The following NCK2 variants were observed in gnomAD, a reference collection of about 807,000 sequenced individuals.
NCK2 encodes cytoplasmic protein NCK2.
NCK2 carries 16 observed loss-of-function variants against 33.9 expected under a neutral mutation model. That is an observed-to-expected ratio of 0.47 (90% CI 0.32 to 0.72). NCK2 has a LOEUF of 0.72. Ranked by LOEUF, NCK2 falls within the 30% of genes least tolerant of loss-of-function variation. The probability of loss-of-function intolerance (pLI) is 0.03; values close to 1 mark genes in which losing one functional copy is unlikely to be tolerated. For missense variants in NCK2, 418 were observed against 537.3 expected, an observed-to-expected ratio of 0.78 and a Z score of 2.19; for synonymous variants, 273 against 239.9, an observed-to-expected ratio of 1.14 and a Z score of -1.27.
intron 1 of NCK2, among the ~76,000 whole-genome samples, chr2:105,797,092 C>G (rs962874837): frequency 5.9e-5 from 9 of 152,014 alleles, no homozygotes; most frequent in Non-Finnish European, 1.3e-4. Context: ...ATTTATTATC[C>G]TTTTTAGGCC....
At chr2:105,807,693 T>C (rs1430755276) in intron 1 of NCK2, among the ~76,000 whole-genome samples, 11 of 151,046 alleles carry the variant, frequency 7.3e-5, no homozygotes, top group African/African-American at 1.7e-4. Context: ...CCTTTTTTTT[T>C]TCTCTTTTCT....
At chr2:105,885,183 C>T (rs1332318476) in intron 4 of NCK2, among the ~76,000 whole-genome samples, 1 of 152,158 alleles carries the variant, frequency 6.6e-6, no homozygotes, top group East Asian at 1.9e-4. Context: ...GGAAAAGGTG[C>T]AGAGCTGGCC....
rs896208731 is a variant in NCK2 at position 105,893,327 on chromosome 2, T to A, written c.*151T>A. On this transcript the variant is annotated 3_prime_UTR_variant, in exon 5 of 5. Transcript: ENST00000233154. ...GGTCGCTTGGTCGGTTCGTCTCCCA[T>A]TTGCCATCCAGGCCTCACACCCACA... 4 of 787,300 alleles carry A rather than the reference T, an allele frequency of 5.1e-6. No individual in the cohort carries two copies. In the African/African-American group the frequency reaches 7.0e-5, roughly 14 times the overall value. 48.8% of individuals were successfully genotyped at this position (787,300 alleles called of 1,614,324 possible).
At chr2:105,864,713 A>T (rs529222447) in intron 3 of NCK2, among the ~76,000 whole-genome samples, 4 of 151,810 alleles carry the variant, frequency 2.6e-5, no homozygotes, top group African/African-American at 9.7e-5. Flanking sequence ...CAGGCATTCA[A>T]TTTCTCTCAT....
intron 2 of NCK2, among the ~76,000 whole-genome samples, chr2:105,825,435 T>C (rs182064166): frequency 3.3e-5 from 5 of 152,320 alleles, no homozygotes; most frequent in Admixed American, 6.5e-5. Flanking sequence ...TGTCTTATGC[T>C]CAGAAATTTA....
At chr2:105,786,154 CATG>C (rs1190661087) in intron 1 of NCK2, among the ~76,000 whole-genome samples, 2 of 152,232 alleles carry the variant, frequency 1.3e-5, no homozygotes, top group Non-Finnish European at 1.5e-5. Context: ...TCTAGGGCAG[CATG>C]ATTAGCGTTG....
At chr2:105,831,945 G>C (rs888850119) in intron 2 of NCK2, among the ~76,000 whole-genome samples, 1 of 152,154 alleles carries the variant, frequency 6.6e-6, no homozygotes, top group Admixed American at 6.5e-5. Flanking sequence ...CTGATATATT[G>C]ATAGGGATCA....
At chr2:105,818,296 G>A (rs1179911593) in intron 2 of NCK2, among the ~76,000 whole-genome samples, 14 of 103,114 alleles carry the variant, frequency 1.4e-4, no homozygotes, top group Admixed American at 9.4e-4. Context: ...GGGGAGGGGG[G>A]AGGGATAGCA....
chr2:105,767,292 G>A (rs1042206114), intron 1 of NCK2, among the ~76,000 whole-genome samples: 5 of 152,212 alleles, frequency 3.3e-5, no homozygotes, highest in Admixed American at 6.5e-5. Context: ...TGGCCTACTT[G>A]GATGTCTGAT....
At chr2:105,872,387 A>G (rs1321193417) in intron 3 of NCK2, among the ~76,000 whole-genome samples, 1 of 152,146 alleles carries the variant, frequency 6.6e-6, no homozygotes, top group Non-Finnish European at 1.5e-5. Flanking sequence ...GCCGTGGTGT[A>G]GCCTGTCTTC....
intron 1 of NCK2, among the ~76,000 whole-genome samples, chr2:105,785,010 G>T (rs574897983): frequency 6.6e-6 from 1 of 152,080 alleles, no homozygotes; most frequent in Non-Finnish European, 1.5e-5. Flanking sequence ...ACGGAGTCTC[G>T]CTCTGTCGCC....
chr2:105,892,942 G>A (rs769835570), intron 4 of NCK2, 40 bp from the exon 5 acceptor site: 28 of 1,554,604 alleles, frequency 1.8e-5, no homozygotes, highest in Middle Eastern at 3.4e-4. Context: ...ACAGCTCCCC[G>A]CTGTGGCCCG....
At chr2:105,812,345 T>G (rs1675320449) in intron 1 of NCK2, among the ~76,000 whole-genome samples, 1 of 152,220 alleles carries the variant, frequency 6.6e-6, no homozygotes, top group South Asian at 2.1e-4. Flanking sequence ...TGGGTTGAAC[T>G]TTGGCCAAAC....
At chr2:105,869,994 G>A (rs909167847) in intron 3 of NCK2, among the ~76,000 whole-genome samples, 4 of 152,094 alleles carry the variant, frequency 2.6e-5, no homozygotes, top group African/African-American at 9.7e-5. Flanking sequence ...TGACTGGAGT[G>A]GAAAGTCAGG....
At chr2:105,820,086 G>A (rs977046215) in intron 2 of NCK2, among the ~76,000 whole-genome samples, 45 of 152,302 alleles carry the variant, frequency 3.0e-4, no homozygotes, top group African/African-American at 1.0e-3. Flanking sequence ...GTATGGAAAA[G>A]CCAGGAGATG....
At chr2:105,870,378 C>G (rs1158324351) in intron 3 of NCK2, among the ~76,000 whole-genome samples, 1 of 152,228 alleles carries the variant, frequency 6.6e-6, no homozygotes, top group Admixed American at 6.5e-5. Flanking sequence ...TCCCTGCCAT[C>G]CTGTGGCAGT....
At chr2:105,749,729 G>A (rs543123765) in intron 1 of NCK2, among the ~76,000 whole-genome samples, 1 of 152,188 alleles carries the variant, frequency 6.6e-6, no homozygotes, top group East Asian at 1.9e-4. Flanking sequence ...CGGTGTGAGG[G>A]GAGGCCGGCA....
intron 1 of NCK2, among the ~76,000 whole-genome samples, chr2:105,793,591 G>A (rs1690970107): frequency 6.6e-6 from 1 of 152,254 alleles, no homozygotes; most frequent in Non-Finnish European, 1.5e-5. Flanking sequence ...ATCCACCAAA[G>A]TGAGCAATGA....
chr2:105,747,453 C>A (rs1434502389), intron 1 of NCK2, among the ~76,000 whole-genome samples: 1 of 152,152 alleles, frequency 6.6e-6, no homozygotes, highest in Admixed American at 6.5e-5. Flanking sequence ...CTGCGAGGCT[C>A]TATGGGACAC....
Sources: gnomAD v4.1 joint callset for allele counts (sites outside exome capture counted in the v4.1 genomes callset) on GRCh38, gnomAD v4.1.1 for gene constraint, MANE v1.5 for transcripts, NCBI Gene and HGNC (gene_info 2026-07-23, HGNC 2026-07-21) for gene names.